The following MCM9 variants were observed in gnomAD, a reference collection of about 807,000 sequenced individuals.
MCM9 encodes minichromosome maintenance 9 homologous recombination repair factor.
Under a neutral mutation model 72.8 loss-of-function variants are expected in MCM9, and 55 were observed. That is an observed-to-expected ratio of 0.76 (90% CI 0.61 to 0.95). The LOEUF is 0.95. MCM9 is among the 40% of genes least tolerant of loss of function. The pLI is 0.00. For missense variants in MCM9, 1,279 were observed against 1,377.0 expected (o/e 0.93, Z 1.13); for synonymous variants, 480 against 503.4 (o/e 0.95, Z 0.62).
intron 9 of MCM9, among the ~76,000 whole-genome samples, chr6:118,834,790 ACATTCTGTAGGTT>A (rs1464348118): frequency 6.6e-6 from 1 of 151,726 alleles, no homozygotes; most frequent in Non-Finnish European, 1.5e-5. Context: ...AAATTTTCTC[ACATTCTGTAGGTT>A]GCCTGTTCAC....
chr6:118,928,854 C>CAA (rs574118895), intron 3 of MCM9, among the ~76,000 whole-genome samples: 94 of 128,294 alleles, frequency 7.3e-4, no homozygotes, highest in African/African-American at 2.1e-3. Context: ...GACCCTGTCT[C>CAA]AAAAAAAAAA....
At chr6:118,853,732 A>G (rs1443068365) in intron 9 of MCM9, among the ~76,000 whole-genome samples, 2 of 152,150 alleles carry the variant, frequency 1.3e-5, no homozygotes, top group African/African-American at 2.4e-5. Flanking sequence ...CCAGGAGTTC[A>G]AGGCTGCAGT....
chr6:118,878,438 A>T (rs1778077838), intron 8 of MCM9, among the ~76,000 whole-genome samples: 3 of 152,200 alleles, frequency 2.0e-5, no homozygotes, highest in African/African-American at 7.2e-5. Flanking sequence ...AATGAAAGAC[A>T]GCATAACTGT....
At chr6:118,911,870 T>C in intron 7 of MCM9, 101 bp from the exon 8 acceptor site, 3 of 842,040 alleles carry the variant, frequency 3.6e-6, no homozygotes, top group East Asian at 5.2e-5. Context: ...TACTTTTACA[T>C]AGGGTCGTTT....
At chr6:118,868,458 G>A (rs1471651502) in intron 8 of MCM9, among the ~76,000 whole-genome samples, 1 of 152,070 alleles carries the variant, frequency 6.6e-6, no homozygotes, top group African/African-American at 2.4e-5. Context: ...CGTGGCAAAA[G>A]AAACTACCCT....
intron 8 of MCM9, chr6:118,900,780 A>G: frequency 1.2e-6 from 2 of 1,613,020 alleles, no homozygotes; most frequent in Non-Finnish European, 1.7e-6. Flanking sequence ...GGAATGGAAA[A>G]TTATCTATGT....
intron 3 of MCM9, 75 bp from the exon 4 acceptor site, chr6:118,924,202 T>C: frequency 7.6e-7 from 1 of 1,307,972 alleles, no homozygotes; most frequent in Non-Finnish European, 1.0e-6. Flanking sequence ...TCTTCTCCTA[T>C]TTCCTGAAAG....
rs1191507333 is a variant in MCM9 at position 118,829,130 on chromosome 6, T to C, written c.1446A>G (p.Arg482=). The change falls in exon 10 of 14, where the codon CGA becomes CGG. Residue 482 remains arginine, a synonymous_variant. Coordinates refer to ENST00000619706, the MANE Select transcript of MCM9 (RefSeq NM_017696.3). ...CAAGCAAAACCAGGATCAGGTCAAATCGACTTAAGAGTGGGCTGCCGAGGG... is the reference window on the plus strand; with the variant it reads ...CAAGCAAAACCAGGATCAGGTCAAACCGACTTAAGAGTGGGCTGCCGAGGG... ...NIALGSPLLS[R]FDLILVLLDT... 1.3e-6 allele frequency: 2 copies of C among 1,550,470 alleles called. No homozygotes were observed. Among genetic ancestry groups the C allele is most frequent in the African/African-American group, 2.7e-5 (2 of 73,022 alleles).
chr6:118,821,414 T>C (rs375030800), intron 13 of MCM9, among the ~76,000 whole-genome samples: 2 of 152,336 alleles, frequency 1.3e-5, no homozygotes, highest in East Asian at 3.9e-4. Flanking sequence ...AAATTCTGGG[T>C]TGAAAATTCT....
chr6:118,904,120 C>G (rs1052294049), intron 8 of MCM9, among the ~76,000 whole-genome samples: 1 of 152,128 alleles, frequency 6.6e-6, no homozygotes, highest in African/African-American at 2.4e-5. Context: ...TGTGTTAATG[C>G]TGGTAGCAGT....
chr6:118,826,808 C>T lies in MCM9; in HGVS notation c.1789G>A (p.Val597Met), dbSNP rs1396682380. The T allele has an allele frequency of 6.5e-7, 1 of 1,550,318 alleles. No individual in the cohort carries two copies. The highest frequency in any genetic ancestry group is 2.0e-5 in the Admixed American group (1 of 50,960). The change falls in exon 12 of 14, where the codon GTG becomes ATG. Residue 597 changes from valine to methionine, a missense_variant. Transcript: ENST00000619706. ...TVTLEDAITV[V>M]SVMESSMQGG... ...TGCATTGAGGACTCCATGACTGACA[C>T]CACCGTAATAGCGTCTTCCAGAGTT...
chr6:118,911,534 G>T (rs1182299760), intron 8 of MCM9, 116 bp downstream of exon 8: 6 of 1,401,856 alleles, frequency 4.3e-6, no homozygotes, highest in Non-Finnish European at 3.7e-6. Flanking sequence ...ATTTTTAGTG[G>T]TAACTCAAAA....
intron 13 of MCM9, among the ~76,000 whole-genome samples, chr6:118,819,423 T>G (rs1773640047): frequency 1.3e-5 from 2 of 152,222 alleles, no homozygotes; most frequent in South Asian, 4.1e-4. Flanking sequence ...GGATTACGTT[T>G]GTTGATTTGT....
chr6:118,843,505 G>GT (rs1238820755), intron 9 of MCM9, among the ~76,000 whole-genome samples: 3 of 150,708 alleles, frequency 2.0e-5, no homozygotes, highest in Admixed American at 1.3e-4. Flanking sequence ...ACGCATGCCT[G>GT]TAATCCCAGC....
intron 8 of MCM9, among the ~76,000 whole-genome samples, chr6:118,876,222 G>A (rs983266902): frequency 6.6e-6 from 1 of 150,774 alleles, no homozygotes; most frequent in African/African-American, 2.5e-5. Context: ...GCCAGGGGTT[G>A]AAGGGAAAGA....
chr6:118,833,762 G>A (rs1774756648), intron 9 of MCM9, among the ~76,000 whole-genome samples: 1 of 152,166 alleles, frequency 6.6e-6, no homozygotes, highest in South Asian at 2.1e-4. Context: ...GTAGAATGGT[G>A]GTTGCTAGGG....
chr6:118,894,271 AG>A, intron 8 of MCM9: 1 of 1,461,488 alleles, frequency 6.8e-7, no homozygotes, highest in Non-Finnish European at 9.0e-7. Flanking sequence ...AAATAAAAAG[AG>A]GAAAAAAGTT....
At chr6:118,836,755 G>C (rs1774986382) in intron 9 of MCM9, among the ~76,000 whole-genome samples, 1 of 151,952 alleles carries the variant, frequency 6.6e-6, no homozygotes, top group Non-Finnish European at 1.5e-5. Flanking sequence ...CATTAGTCTG[G>C]CTAGCAGTCT....
intron 4 of MCM9, among the ~76,000 whole-genome samples, chr6:118,922,822 A>G (rs531736992): frequency 1.3e-4 from 20 of 152,176 alleles, no homozygotes; most frequent in East Asian, 5.8e-4. Context: ...ACCTGAGGTT[A>G]GAGGGTTTGA....
Sources: allele counts gnomAD v4.1 joint callset (sites outside exome capture counted in the v4.1 genomes callset), GRCh38; gene constraint gnomAD v4.1.1; transcripts MANE v1.5; gene names NCBI Gene and HGNC (gene_info 2026-07-23, HGNC 2026-07-21).